VIT: variants seen among roughly 807,000 people sequenced by gnomAD.
VIT encodes the protein vitrin.
Under a neutral mutation model 78.0 loss-of-function variants are expected in VIT, and 99 were observed. The ratio of observed to expected loss-of-function variants is 1.27; its 90% CI spans 1.08 to 1.50. VIT has a LOEUF of 1.50. Among genes scored for constraint, VIT ranks in the 40% most tolerant of loss-of-function variants. The probability of loss-of-function intolerance (pLI) is 0.00; values close to 1 mark genes in which losing one functional copy is unlikely to be tolerated. For synonymous variants in VIT, 374 were observed against 334.3 expected (o/e 1.12, Z -1.29); for missense variants, 1,126 against 875.3 (o/e 1.29, Z -3.61).
At position 36,787,192 on chromosome 2, in the gene VIT, G is replaced by A. The variant is rs761309739; in HGVS notation, c.974G>A (p.Arg325Gln). ...ACCAGCATTGGCAAACGGCGATTCC[G>A]AATCCAGAAGCAGCTCCTGGCTGAT... ...GSTSIGKRRF[R>Q]IQKQLLADVA... Residue 325 changes from arginine (R) to glutamine (Q), a missense_variant, in exon 12 of 16, where the codon CGA (arginine) becomes CAA (glutamine). Physicochemically the swap from Arg to Gln is conservative, Grantham distance 43 (BLOSUM62 1). Coordinates refer to ENST00000379242, the MANE Select transcript of VIT (RefSeq NM_053276.4). 1.5e-5 allele frequency: 25 copies of A among 1,614,078 alleles called. No individual in the cohort carries two copies. Among genetic ancestry groups the A allele is most frequent in the Admixed American group, 1.5e-4 (9 of 59,998 alleles).
chr2:36,748,993 C>T (rs907830522), intron 4 of VIT, among the ~76,000 whole-genome samples: 28 of 152,180 alleles, frequency 1.8e-4, no homozygotes, highest in Admixed American at 1.3e-3. Context: ...TTTTCTCCGT[C>T]GACCTTACTG....
chr2:36,759,089 T>C, intron 6 of VIT, 43 bp downstream of exon 6: 1 of 1,614,184 alleles, frequency 6.2e-7, no homozygotes, highest in Non-Finnish European at 8.5e-7. Flanking sequence ...TCTGAGTCCA[T>C]GAACACGCGA....
rs538197516 is a variant in VIT, at chr2:36,697,264, G to T, written c.-19+291G>T. 1.1e-4 allele frequency among the ~76,000 whole-genome samples: 17 copies of T among 152,150 alleles called. No individual in the cohort carries two copies. In the South Asian group the frequency reaches 2.3e-3, roughly 20 times the overall value. ...TGGTTACAAATAAGTTGAAAAGTATGACATTTGTGTAGAATTTTAAAGTAA... is the reference window on the plus strand; with the variant it reads ...TGGTTACAAATAAGTTGAAAAGTATTACATTTGTGTAGAATTTTAAAGTAA... On this transcript the variant is annotated intron_variant, in intron 1 of 15. Transcript: ENST00000379242.
At chr2:36,769,797 T>C (rs971011562) in intron 7 of VIT, among the ~76,000 whole-genome samples, 12 of 151,974 alleles carry the variant, frequency 7.9e-5, no homozygotes, top group African/African-American at 2.9e-4. Flanking sequence ...AACATTTTCA[T>C]CCCCCAAAAG....
rs1666922041 is a variant in VIT at position 36,808,674 on chromosome 2, A to G, written c.1592A>G (p.Gln531Arg). The stretch of plus-strand genomic sequence containing the variant: ...ACGGGCAACTTCCGCACCGTCCTCC[A>G]GTTTGTGACCAACCTCACCAAAGAG... ...VGTGNFRTVLQFVTNLTKEFE... is the reference protein window; with the variant it reads ...VGTGNFRTVLRFVTNLTKEFE... Residue 531 changes from glutamine (Q) to arginine (R), a missense_variant, in exon 15 of 16, where the codon CAG becomes CGG. Physicochemically the swap from Gln to Arg is conservative, Grantham distance 43. Transcript: ENST00000379242. The G allele has an allele frequency of 6.2e-7, 1 of 1,614,246 alleles. No individual in the cohort carries two copies. Among genetic ancestry groups the G allele is most frequent in the Non-Finnish European group, 8.5e-7 (1 of 1,180,042 alleles).
At chr2:36,741,763 G>A (rs1253831599) in intron 3 of VIT, among the ~76,000 whole-genome samples, 1 of 152,108 alleles carries the variant, frequency 6.6e-6, no homozygotes, top group Admixed American at 6.5e-5. Context: ...CTCTGTAACT[G>A]TTCAGTCTCC....
At chr2:36,790,780 A>C (rs1272998943) in intron 12 of VIT, among the ~76,000 whole-genome samples, 1 of 152,260 alleles carries the variant, frequency 6.6e-6, no homozygotes, top group Non-Finnish European at 1.5e-5. Flanking sequence ...GAAGACTGAG[A>C]CATCGTGTGT....
chr2:36,771,474 C>T (rs776677366), intron 7 of VIT, among the ~76,000 whole-genome samples: 26 of 147,944 alleles, frequency 1.8e-4, no homozygotes, highest in South Asian at 4.3e-4. Flanking sequence ...TGCAGTGAGC[C>T]GAGGTCGTGC....
At chr2:36,777,054 A>G (rs1370442178) in intron 9 of VIT, among the ~76,000 whole-genome samples, 1 of 129,762 alleles carries the variant, frequency 7.7e-6, no homozygotes, top group Admixed American at 8.9e-5. Context: ...ACGCCACTGC[A>G]CTCCAGCCTG....
chr2:36,797,459 T>C (rs1572558829), intron 12 of VIT, among the ~76,000 whole-genome samples: 1 of 152,064 alleles, frequency 6.6e-6, no homozygotes, highest in South Asian at 2.1e-4. Context: ...CAGGACGTGG[T>C]ATTTGATGAG....
chr2:36,800,033 C>T (rs868640483), intron 12 of VIT, among the ~76,000 whole-genome samples: 31 of 138,492 alleles, frequency 2.2e-4, no homozygotes, highest in Middle Eastern at 4.1e-3. Context: ...GGAGACACAG[C>T]GAGACTCCGT....
chr2:36,752,163 A>G (rs1008693383), intron 4 of VIT, among the ~76,000 whole-genome samples: 1 of 152,224 alleles, frequency 6.6e-6, no homozygotes, highest in Non-Finnish European at 1.5e-5. Flanking sequence ...CCAAAGGGAT[A>G]ATGAACATAT....
chr2:36,726,338 AG>A (rs1666842020), intron 2 of VIT, among the ~76,000 whole-genome samples: 3 of 152,258 alleles, frequency 2.0e-5, no homozygotes, highest in Non-Finnish European at 4.4e-5. Flanking sequence ...AGTAGAAATA[AG>A]TTATTGAACA....
chr2:36,805,378 C>T, intron 13 of VIT, 60 bp from the exon 14 acceptor site: 2 of 1,482,808 alleles, frequency 1.3e-6, no homozygotes, highest in South Asian at 2.8e-5. Flanking sequence ...CTGCTGTGAT[C>T]TCTTCCTGTA....
rs573670233 is a variant in VIT at position 36,723,377 on chromosome 2, G to A, written c.53-6049G>A. Among the ~76,000 whole-genome samples the A allele has an allele frequency of 5.9e-5, 9 of 152,108 alleles. No individual in the cohort carries two copies. The East Asian group carries it at 1.7e-3, about 29-fold the overall frequency. On this transcript the variant is annotated intron_variant, in intron 2 of 15. Coordinates refer to ENST00000379242, the MANE Select transcript of VIT (RefSeq NM_053276.4). ...GTCAAAGAATATAAAAGTTTTTAAG[G>A]CTCTTGAAATTGCTTTCCAGAATGG... is the stretch of plus-strand genomic sequence containing the variant.
intron 1 of VIT, among the ~76,000 whole-genome samples, chr2:36,698,180 C>G (rs774655413): frequency 6.6e-6 from 1 of 151,986 alleles, no homozygotes; most frequent in Non-Finnish European, 1.5e-5. Flanking sequence ...TGCTGGTTTC[C>G]CAGACTAAGC....
intron 11 of VIT, among the ~76,000 whole-genome samples, chr2:36,786,217 TA>T (rs904939322): frequency 5.9e-5 from 9 of 152,206 alleles, no homozygotes; most frequent in African/African-American, 2.2e-4. Flanking sequence ...TTTTGTCTTC[TA>T]AATTGCAACT....
intron 6 of VIT, among the ~76,000 whole-genome samples, chr2:36,765,073 T>A (rs1422830553): frequency 2.0e-5 from 3 of 152,156 alleles, no homozygotes; most frequent in Non-Finnish European, 2.9e-5. Context: ...AACCATTGAA[T>A]GTTTCCTTAT....
chr2:36,773,980 C>A, intron 8 of VIT, 133 bp downstream of exon 8: 1 of 822,368 alleles, frequency 1.2e-6, no homozygotes, highest in Non-Finnish European at 1.7e-6. Context: ...ACAGAAGATG[C>A]CACTCAAGGG....
Sources: allele counts gnomAD v4.1 joint callset (sites outside exome capture counted in the v4.1 genomes callset), GRCh38; gene constraint gnomAD v4.1.1; transcripts MANE v1.5; gene names NCBI Gene and HGNC (gene_info 2026-07-23, HGNC 2026-07-21).